Variants in TENM2 observed in about 807,000 individuals in gnomAD.
TENM2 encodes teneurin transmembrane protein 2, also known as teneurin-2.
In TENM2, 52 loss-of-function variants were observed where a neutral mutation model predicts 245.2. The observed-to-expected ratio is 0.21, with a 90% confidence interval of 0.17 to 0.27. The LOEUF is 0.27. Ranked by LOEUF, TENM2 falls within the 10% of genes least tolerant of loss-of-function variation. The probability of loss-of-function intolerance (pLI) is 1.00; values close to 1 mark genes in which losing one functional copy is unlikely to be tolerated. For synonymous variants in TENM2, 1,363 were observed against 1,438.9 expected (o/e 0.95, Z 1.19); for missense variants, 3,046 against 3,666.8 (o/e 0.83, Z 4.37).
intron 12 of TENM2, among the ~76,000 whole-genome samples, chr5:168,130,786 G>T (rs955731210): frequency 6.6e-6 from 1 of 152,116 alleles, no homozygotes; most frequent in Non-Finnish European, 1.5e-5. Flanking sequence ...CTACTTGGGA[G>T]GCCGATGTGG....
At chr5:167,219,412 A>AGCCT in the TENM2 span, among the ~76,000 whole-genome samples, 1 of 152,184 alleles carries the variant, frequency 6.6e-6, no homozygotes, top group Non-Finnish European at 1.5e-5. Context: ...GATCCCTTCT[A>AGCCT]GCCTCCCTGT....
chr5:168,154,146 T>TAAA (rs1562223601), intron 12 of TENM2, among the ~76,000 whole-genome samples: 48 of 75,712 alleles, frequency 6.3e-4, no homozygotes, highest in African/African-American at 1.8e-3. Context: ...ATCACCTACT[T>TAAA]TAAAAAAAAA....
chr5:167,854,042 G>A (rs982356816), intron 2 of TENM2, among the ~76,000 whole-genome samples: 6 of 151,948 alleles, frequency 3.9e-5, no homozygotes, highest in African/African-American at 1.5e-4. Flanking sequence ...TCAACCAAAG[G>A]GTATGAACAC....
At chr5:167,208,916 T>C in the TENM2 span, among the ~76,000 whole-genome samples, 4 of 152,210 alleles carry the variant, frequency 2.6e-5, no homozygotes, top group South Asian at 2.1e-4. Context: ...AATGAGAACA[T>C]AGTTACTCAG....
chr5:167,009,625 T>C, the TENM2 span, among the ~76,000 whole-genome samples: 1 of 152,212 alleles, frequency 6.6e-6, no homozygotes, highest in African/African-American at 2.4e-5. Context: ...TCAAAGCTTC[T>C]TTGGCCTTGG....
intron 2 of TENM2, among the ~76,000 whole-genome samples, chr5:167,502,029 T>C (rs1769244441): frequency 6.6e-6 from 1 of 151,702 alleles, no homozygotes; most frequent in African/African-American, 2.4e-5. Flanking sequence ...AAAAAGGTAC[T>C]AGGTCATGTT....
chr5:167,457,252 GAGTT>G (rs1302643759), intron 2 of TENM2, among the ~76,000 whole-genome samples: 1 of 151,512 alleles, frequency 6.6e-6, no homozygotes, highest in Non-Finnish European at 1.5e-5. Context: ...AACCTTATAA[GAGTT>G]AGATAATTTA....
intron 2 of TENM2, among the ~76,000 whole-genome samples, chr5:167,452,931 T>TTTTA (rs1264260420): frequency 6.2e-4 from 3 of 4,868 alleles, no homozygotes; most frequent in African/African-American, 1.1e-3. Context: ...AAAGTATGAT[T>TTTTA]TATATATATA....
chr5:167,197,968 A>G, the TENM2 span, among the ~76,000 whole-genome samples: 6 of 152,090 alleles, frequency 3.9e-5, no homozygotes, highest in African/African-American at 1.2e-4. Context: ...GAGAAAAGAA[A>G]GGAGAAAGGA....
chr5:167,031,689 C>G, the TENM2 span, among the ~76,000 whole-genome samples: 8 of 152,014 alleles, frequency 5.3e-5, no homozygotes, highest in African/African-American at 1.9e-4. Context: ...CTCAGCCTCC[C>G]GAGTAGCTGG....
intron 2 of TENM2, among the ~76,000 whole-genome samples, chr5:167,834,717 T>G (rs1768821412): frequency 6.7e-6 from 1 of 149,066 alleles, no homozygotes. Flanking sequence ...TGGCGCGATC[T>G]CGGCTCACTG....
Position 167,636,383 on chromosome 5 carries a change from A to C in TENM2, c.503-239603A>C, listed in dbSNP as rs572395700. Among the ~76,000 whole-genome samples the C allele has an allele frequency of 1.7e-3, 266 of 152,330 alleles. 1 individual carries two copies. The highest frequency in any genetic ancestry group is 2.9e-3 in the Non-Finnish European group (198 of 68,014). ...AAATTGGTGAGTGGCTATCTGCATT[A>C]ATCAGATAATTTCCATGTTTTACTT... On this transcript the variant is annotated intron_variant, in intron 2 of 28. Transcript: ENST00000518659.
chr5:168,216,685 C>T (rs1226096827), intron 21 of TENM2, 83 bp from the exon 24 acceptor site: 2 of 1,363,036 alleles, frequency 1.5e-6, no homozygotes, highest in Admixed American at 1.7e-5. Context: ...GCAGAGTGCT[C>T]AGCAAGGCAT....
chr5:167,000,175 G>A, the TENM2 span, among the ~76,000 whole-genome samples: 1 of 152,130 alleles, frequency 6.6e-6, no homozygotes, highest in African/African-American at 2.4e-5. Context: ...TCTACATTGG[G>A]TTAAGCAGCT....
chr5:168,162,860 C>G (rs1757874365), intron 13 of TENM2, 103 bp downstream of exon 15: 2 of 1,344,886 alleles, frequency 1.5e-6, no homozygotes, highest in Non-Finnish European at 2.1e-6. Context: ...GCACTATTGT[C>G]AAATGTTGTT....
intron 2 of TENM2, among the ~76,000 whole-genome samples, chr5:167,512,161 G>A (rs1770004411): frequency 6.6e-6 from 1 of 152,114 alleles, no homozygotes; most frequent in Admixed American, 6.5e-5. Context: ...ATTCATTACT[G>A]GATTGCCTAG....
chr5:167,710,032 A>G (rs1459499157), intron 2 of TENM2, among the ~76,000 whole-genome samples: 2 of 152,198 alleles, frequency 1.3e-5, no homozygotes, highest in African/African-American at 4.8e-5. Context: ...CCACCCCCAA[A>G]AGATCTACTG....
Position 168,098,129 on chromosome 5 carries a change from T to G in TENM2, c.1813+2T>G. 6.2e-7 allele frequency: 1 copy of G among 1,608,780 alleles called. No homozygotes were observed. Among genetic ancestry groups the G allele is most frequent in the South Asian group, 1.1e-5 (1 of 90,618 alleles). On this transcript the variant is annotated splice_donor_variant, in intron 9 of 28. Coordinates refer to ENST00000518659, the Ensembl canonical transcript of TENM2. LOFTEE classifies it high-confidence loss of function. ...TTCTAGGAGCAGACTGTGCTAAAGG[T>G]ATGTGCCGCCACTTCCCTGCTATGG...
intron 2 of TENM2, among the ~76,000 whole-genome samples, chr5:167,488,445 G>T (rs1768219889): frequency 6.6e-6 from 1 of 151,918 alleles, no homozygotes; most frequent in African/African-American, 2.4e-5. Flanking sequence ...CATCTTACTG[G>T]ACCTATAAGC....
Sources: allele counts gnomAD v4.1 joint callset (sites outside exome capture counted in the v4.1 genomes callset), GRCh38; gene constraint gnomAD v4.1.1; transcripts MANE v1.5; gene names NCBI Gene and HGNC (gene_info 2026-07-23, HGNC 2026-07-21).